The following FBXL7 variants were observed in gnomAD, a reference collection of about 807,000 sequenced individuals.
FBXL7 encodes F-box/LRR-repeat protein 7.
Under a neutral mutation model 38.3 loss-of-function variants are expected in FBXL7, and 12 were observed. The ratio of observed to expected loss-of-function variants is 0.31; its 90% confidence interval spans 0.20 to 0.51. The LOEUF is 0.51. Ranked by LOEUF, FBXL7 falls within the 20% of genes least tolerant of loss-of-function variation. The probability of loss-of-function intolerance (pLI) is 0.98; values close to 1 mark genes in which losing one functional copy is unlikely to be tolerated. For missense variants in FBXL7, 567 were observed against 676.4 expected (o/e 0.84, Z 1.79); for synonymous variants, 297 against 300.9 (o/e 0.99, Z 0.13).
chr5:15,904,182 C>T (rs1579589695), intron 2 of FBXL7, among the ~76,000 whole-genome samples: 1 of 152,098 alleles, frequency 6.6e-6, no homozygotes, highest in Non-Finnish European at 1.5e-5. Context: ...TTAAAGATGT[C>T]GTCTTGTGTT....
intron 1 of FBXL7, among the ~76,000 whole-genome samples, chr5:15,569,248 T>C (rs1337749892): frequency 1.4e-4 from 22 of 152,058 alleles, no homozygotes; most frequent in Admixed American, 6.6e-4. Context: ...CATTTGTTTG[T>C]ATCCTCTTTT....
intron 2 of FBXL7, among the ~76,000 whole-genome samples, chr5:15,790,327 G>A (rs562003369): frequency 2.6e-5 from 4 of 152,160 alleles, no homozygotes; most frequent in African/African-American, 7.2e-5. Context: ...TGCTTCCTCC[G>A]CTTTGCTTGT....
intron 2 of FBXL7, among the ~76,000 whole-genome samples, chr5:15,670,315 A>G (rs1441630190): frequency 6.6e-6 from 1 of 152,128 alleles, no homozygotes; most frequent in Non-Finnish European, 1.5e-5. Context: ...TGACTGAATC[A>G]TTGTTCCTCT....
chr5:15,775,670 A>T lies in FBXL7; in HGVS notation c.128-152220A>T, dbSNP rs190734195. On this transcript the variant is annotated intron_variant, in intron 2 of 3. Coordinates refer to ENST00000504595, the MANE Select transcript of FBXL7 (RefSeq NM_012304.5). ...TCACCAAAACCAGTGATTACACATT[A>T]TTGTTTCAGCTAATTCAGAATTTCA... Among the ~76,000 whole-genome samples, 296 of 152,282 alleles carry T rather than the reference A, an allele frequency of 1.9e-3. 4 individuals are homozygous for T. Among genetic ancestry groups the T allele is most frequent in the African/African-American group, 6.7e-3 (279 of 41,566 alleles).
chr5:15,732,293 A>T (rs1735611885), intron 2 of FBXL7, among the ~76,000 whole-genome samples: 1 of 152,200 alleles, frequency 6.6e-6, no homozygotes, highest in Non-Finnish European at 1.5e-5. Context: ...GGGTCACTCT[A>T]TTGTTAAAAA....
At chr5:15,781,215 T>C (rs1472755445) in intron 2 of FBXL7, among the ~76,000 whole-genome samples, 2 of 152,114 alleles carry the variant, frequency 1.3e-5, no homozygotes, top group African/African-American at 4.8e-5. Flanking sequence ...GTTTTACTGC[T>C]CTAAAGGATA....
At chr5:15,718,965 T>C (rs1744120214) in intron 2 of FBXL7, among the ~76,000 whole-genome samples, 1 of 152,228 alleles carries the variant, frequency 6.6e-6, no homozygotes, top group Non-Finnish European at 1.5e-5. Flanking sequence ...ATCTGGGATC[T>C]GCCTGTTAAA....
chr5:15,559,777 A>G (rs967391690), intron 1 of FBXL7, among the ~76,000 whole-genome samples: 6 of 152,238 alleles, frequency 3.9e-5, no homozygotes, highest in Non-Finnish European at 8.8e-5. Context: ...AAACGCCTGG[A>G]GGCATGATTG....
At chr5:15,912,575 A>G (rs1741465821) in intron 2 of FBXL7, among the ~76,000 whole-genome samples, 2 of 152,120 alleles carry the variant, frequency 1.3e-5, no homozygotes, top group Admixed American at 6.6e-5. Flanking sequence ...ATTTTCCACA[A>G]GTATTTCAGT....
At chr5:15,791,222 A>G (rs540981014) in intron 2 of FBXL7, among the ~76,000 whole-genome samples, 1 of 152,344 alleles carries the variant, frequency 6.6e-6, no homozygotes, top group African/African-American at 2.4e-5. Context: ...TAGGTATTCT[A>G]TACATGGTAG....
chr5:15,853,650 G>A (rs1561153131), intron 2 of FBXL7, among the ~76,000 whole-genome samples: 1 of 152,164 alleles, frequency 6.6e-6, no homozygotes, highest in Non-Finnish European at 1.5e-5. Flanking sequence ...GCCCCAGGCA[G>A]GCAGGTGGAT....
chr5:15,666,763 A>G (rs1561076901), intron 2 of FBXL7, among the ~76,000 whole-genome samples: 1 of 152,072 alleles, frequency 6.6e-6, no homozygotes. Context: ...TCACTTTTGG[A>G]TTTGCAATAT....
At chr5:15,840,746 C>CT (rs1487972312) in intron 2 of FBXL7, among the ~76,000 whole-genome samples, 1 of 149,534 alleles carries the variant, frequency 6.7e-6, no homozygotes, top group African/African-American at 2.5e-5. Context: ...ACTTGGGAGG[C>CT]TGAGGCAGGA....
intron 2 of FBXL7, among the ~76,000 whole-genome samples, chr5:15,825,927 C>T (rs149673729): frequency 5.3e-5 from 8 of 152,274 alleles, no homozygotes; most frequent in East Asian, 1.9e-4. Flanking sequence ...GGAGCAAACC[C>T]GGGTTTCATT....
chr5:15,841,067 T>C (rs1405009524), intron 2 of FBXL7, among the ~76,000 whole-genome samples: 3 of 152,164 alleles, frequency 2.0e-5, no homozygotes, highest in Non-Finnish European at 4.4e-5. Flanking sequence ...AGTTTATCTA[T>C]AGTTACCCTT....
At chr5:15,596,470 C>T (rs1739627843) in intron 1 of FBXL7, among the ~76,000 whole-genome samples, 1 of 151,992 alleles carries the variant, frequency 6.6e-6, no homozygotes, top group African/African-American at 2.4e-5. Context: ...CAAGACAAGC[C>T]TGGGTAACAT....
intron 2 of FBXL7, among the ~76,000 whole-genome samples, chr5:15,876,335 A>G (rs1740204392): frequency 6.6e-6 from 1 of 152,122 alleles, no homozygotes; most frequent in Admixed American, 6.6e-5. Flanking sequence ...CCACCATGGC[A>G]CATGTATATC....
intron 2 of FBXL7, among the ~76,000 whole-genome samples, chr5:15,717,840 A>AT (rs1349668006): frequency 1.3e-5 from 2 of 152,220 alleles, no homozygotes; most frequent in African/African-American, 2.4e-5. Flanking sequence ...ATGGTCTAGA[A>AT]TAAAGGATCT....
chr5:15,744,962 C>G (rs1161892241), intron 2 of FBXL7, among the ~76,000 whole-genome samples: 3 of 152,022 alleles, frequency 2.0e-5, no homozygotes, highest in Non-Finnish European at 4.4e-5. Flanking sequence ...GTAACTGCCC[C>G]CATGATTCAA....
Sources: allele counts gnomAD v4.1 joint callset (sites outside exome capture counted in the v4.1 genomes callset), GRCh38; gene constraint gnomAD v4.1.1; transcripts MANE v1.5; gene names NCBI Gene and HGNC (gene_info 2026-07-23, HGNC 2026-07-21).